TMEM223: variants seen among roughly 807,000 people sequenced by gnomAD.
TMEM223 encodes the protein transmembrane protein 223.
TMEM223 carries 14 observed loss-of-function variants against 14.1 expected under a neutral mutation model. The observed-to-expected ratio is 0.99, with a 90% CI of 0.66 to 1.55. The LOEUF (loss-of-function observed/expected upper bound fraction) is 1.55. Among genes scored for constraint, TMEM223 ranks in the 40% most tolerant of loss-of-function variants. The pLI is 0.00. For synonymous variants in TMEM223, 145 were observed against 120.5 expected (o/e 1.20, Z -1.33); for missense variants, 346 against 269.9 (o/e 1.28, Z -1.97).
At chr11:62,784,820 A>G (rs1210890802), downstream of TMEM223, among the ~76,000 whole-genome samples, 1 of 152,192 alleles carries the variant, frequency 6.6e-6, no homozygotes, top group African/African-American at 2.4e-5. Flanking sequence ...ACTGTAATGC[A>G]TTTTAATTTA....
chr11:62,786,117 G>A, downstream of TMEM223: 1 of 1,004,684 alleles, frequency 1.0e-6, no homozygotes, highest in Non-Finnish European at 1.5e-6. Flanking sequence ...ATAAATATAT[G>A]GTTGAATATG....
At chr11:62,789,632 C>G, downstream of TMEM223, 1 of 1,548,606 alleles carries the variant, frequency 6.5e-7, no homozygotes, top group Non-Finnish European at 8.7e-7. Context: ...TCCATGGACA[C>G]CCCCTGGAAC....
At chr11:62,774,775 C>T (rs949430978) in intron 1 of TMEM223, 1 of 368,612 alleles carries the variant, frequency 2.7e-6, no homozygotes, top group Admixed American at 2.8e-5. Context: ...ATGGCGAAAT[C>T]TTGTTTCTAC....
intron 1 of TMEM223, chr11:62,782,229 T>C (rs780648250): frequency 1.2e-6 from 2 of 1,614,236 alleles, no homozygotes; most frequent in Non-Finnish European, 1.7e-6. Context: ...TGGTGGGCAG[T>C]GTCCTCTACT....
Position 62,790,207 on chromosome 11 carries a change from T to C in TMEM223, c.*416A>G, listed in dbSNP as rs1395724594. The C allele has an allele frequency of 2.5e-6, 2 of 788,738 alleles. No individual in the cohort carries two copies. The highest frequency in any genetic ancestry group is 3.9e-6 in the Non-Finnish European group (2 of 519,190). The allele number at this position is 788,738 out of a possible 1,614,324, so 48.9% of individuals were successfully genotyped here. Reference sequence around the variant, plus strand: ...GCCCCCCTCCACCTCTTCCTGCAGCTGTTTTTGTACCAAAATATTATATTA... The same window carrying C: ...GCCCCCCTCCACCTCTTCCTGCAGCCGTTTTTGTACCAAAATATTATATTA... On this transcript the variant is annotated 3_prime_UTR_variant, in exon 2 of 2. Transcript: ENST00000307366.
Position 62,791,798 on chromosome 11 carries a change from G to T in TMEM223, c.197C>A (p.Ala66Asp). 6.3e-7 allele frequency: 1 copy of T among 1,575,158 alleles called. No individual in the cohort carries two copies. Among genetic ancestry groups the T allele is most frequent in the East Asian group, 2.3e-5 (1 of 42,690 alleles). ...GVFWASMAVA[A>D]VSRPPVPVQP... ...CACCGGAACCGGGGGCCGGGACACGGCTGCCACAGCCATGGAAGCCCAGAA... is the reference window on the plus strand; with the variant it reads ...CACCGGAACCGGGGGCCGGGACACGTCTGCCACAGCCATGGAAGCCCAGAA... The change falls in exon 1 of 2, where the codon GCC (alanine) becomes GAC (aspartate). Residue 66 changes from alanine (A) to aspartate (D), a missense_variant. Coordinates refer to ENST00000307366, the MANE Select transcript of TMEM223 (RefSeq NM_001080501.3).
chr11:62,787,378 G>A (rs1337144565), downstream of TMEM223: 2 of 1,551,028 alleles, frequency 1.3e-6, no homozygotes, highest in South Asian at 1.2e-5. Flanking sequence ...GCCGGATAAG[G>A]TGGGCTTTGG....
downstream of TMEM223, chr11:62,786,398 G>A (rs1168763625): frequency 3.7e-6 from 6 of 1,610,346 alleles, no homozygotes; most frequent in Non-Finnish European, 5.1e-6. Flanking sequence ...GGTGAGTACC[G>A]TCCCCTTCCA....
Position 62,790,171 on chromosome 11 carries a change from CATA to C in TMEM223, c.*449_*451del, listed in dbSNP as rs1438182870. ...CTTTCGTTGGGGGGTGGGGGGGAAA[CATA>C]ATGACAGGCCCCCCTCCACCTCTTC... On this transcript the variant is annotated 3_prime_UTR_variant, in exon 2 of 2. Coordinates refer to ENST00000307366, the MANE Select transcript of TMEM223 (RefSeq NM_001080501.3). 1.8e-6 allele frequency: 2 copies of C among 1,124,598 alleles called. No individual in the cohort carries two copies. The highest frequency in any genetic ancestry group is 2.4e-6 in the Non-Finnish European group (2 of 820,870). The allele number at this position is 1,124,598 out of a possible 1,614,324, so 69.7% of individuals were successfully genotyped here. A position where few individuals can be genotyped will look rare whatever the true frequency, so the allele number is the denominator to read the frequency against.
At chr11:62,779,578 G>T (rs1394233163) in intron 1 of TMEM223, among the ~76,000 whole-genome samples, 7 of 146,508 alleles carry the variant, frequency 4.8e-5, no homozygotes, top group East Asian at 4.1e-4. Context: ...CACCCGCCTT[G>T]GCCTCCCAAA....
chr11:62,790,878 G>A lies in TMEM223; in HGVS notation c.354C>T (p.Leu118=). The A allele has an allele frequency of 1.9e-6, 3 of 1,599,844 alleles. No individual in the cohort carries two copies. The highest frequency in any genetic ancestry group is 3.3e-4 in the Middle Eastern group (2 of 6,036). Residue 118 remains leucine, a synonymous_variant, in exon 2 of 2, where the codon CTC becomes CTT. Coordinates refer to ENST00000307366, the MANE Select transcript of TMEM223 (RefSeq NM_001080501.3). ...LVLGAGLLFS[L]RSVRSVVLRA... ...GAAGCACCACTGAGCGCACAGACCG[G>A]AGAGAGAAGAGAAGACCAGCACCGA...
chr11:62,786,139 A>C, downstream of TMEM223: 2 of 1,246,080 alleles, frequency 1.6e-6, no homozygotes, highest in South Asian at 1.6e-5. Context: ...CAATCAGGGA[A>C]TTTAGGAGGA....
downstream of TMEM223, among the ~76,000 whole-genome samples, chr11:62,783,873 T>C (rs908642490): frequency 2.6e-5 from 4 of 151,232 alleles, no homozygotes; most frequent in Admixed American, 2.6e-4. Flanking sequence ...TCTGTTGATA[T>C]GCTAGGTGTA....
intron 1 of TMEM223, 82 bp downstream of exon 1, chr11:62,791,597 C>G (rs2084361544): frequency 1.4e-6 from 2 of 1,400,662 alleles, no homozygotes; most frequent in Non-Finnish European, 1.9e-6. Flanking sequence ...GATAGGGAGT[C>G]CCTGACTCTC....
downstream of TMEM223, chr11:62,782,594 G>A (rs1229540227): frequency 2.6e-5 from 39 of 1,526,120 alleles, no homozygotes; most frequent in Non-Finnish European, 3.2e-5. Flanking sequence ...CAGCACTCCC[G>A]AGTGTGCTGT....
chr11:62,773,562 C>T (rs1289702157), intron 2 of TMEM223, among the ~76,000 whole-genome samples: 1 of 152,040 alleles, frequency 6.6e-6, no homozygotes, highest in Non-Finnish European at 1.5e-5. Context: ...ATTCTCCTGC[C>T]TCAGCCTTGC....
downstream of TMEM223, chr11:62,786,303 C>A: frequency 6.2e-7 from 1 of 1,614,172 alleles, no homozygotes; most frequent in Non-Finnish European, 8.5e-7. Flanking sequence ...ACCTACTGGA[C>A]AAACTTGCAG....
intron 1 of TMEM223, chr11:62,778,815 C>A: frequency 6.7e-7 from 1 of 1,488,482 alleles, no homozygotes; most frequent in Non-Finnish European, 9.4e-7. Context: ...GCTGGAGAGG[C>A]CAGGAGAGGG....
Position 62,777,299 on chromosome 11 carries a change from C to T in TMEM223, c.315-2634G>A, listed in dbSNP as rs141930667. Among the ~76,000 whole-genome samples, 734 of 152,254 alleles carry T rather than the reference C, an allele frequency of 4.8e-3. 3 individuals carry two copies. Among genetic ancestry groups the T allele is most frequent in the Middle Eastern group, 0.01 (3 of 294 alleles). ...CCGAGATCACGCCACTGCATTCCAG[C>T]CTGGGCGAAAGAGCAAAACTCTGTC... is the stretch of plus-strand genomic sequence containing the variant. On this transcript the variant is annotated intron_variant, in intron 1 of 2. Coordinates refer to the TMEM223 transcript ENST00000528367.
Sources: allele counts gnomAD v4.1 joint callset (sites outside exome capture counted in the v4.1 genomes callset), GRCh38; gene constraint gnomAD v4.1.1; transcripts MANE v1.5; gene names NCBI Gene and HGNC (gene_info 2026-07-23, HGNC 2026-07-21).